TCTN2: variants seen among roughly 807,000 people sequenced by gnomAD.
TCTN2 encodes tectonic-2.
A neutral mutation model predicts 83.4 loss-of-function variants in TCTN2; 66 were observed. The observed-to-expected ratio is 0.79, with a 90% CI of 0.65 to 0.97. The LOEUF (loss-of-function observed/expected upper bound fraction) is 0.97, where lower values mean the gene tolerates loss of function less well. Among genes scored for constraint, TCTN2 ranks in the 50% least tolerant of loss-of-function variants. TCTN2 has a pLI of 0.00. For synonymous variants in TCTN2, 301 were observed against 326.7 expected, an observed-to-expected ratio of 0.92 and a Z score of 0.85; for missense variants, 794 against 858.1, an observed-to-expected ratio of 0.93 and a Z score of 0.93.
In TCTN2 at chr12:123,706,965, C is replaced by T. The variant is rs762116763; in HGVS notation, c.1896-20C>T. 6.2e-7 allele frequency: 1 copy of T among 1,613,206 alleles called. No homozygotes were observed. Among genetic ancestry groups the T allele is most frequent in the Non-Finnish European group, 8.5e-7 (1 of 1,179,260 alleles). ...TACTTCTCACTTGTAGTTTTTGTAA[C>T]CCTCTAAAATGTTTTCTAGATTCCA... On this transcript the variant is annotated intron_variant, in intron 16 of 17. Transcript: ENST00000303372.
intron 13 of TCTN2, 125 bp downstream of exon 13, chr12:123,697,323 T>G (rs1406919673): frequency 1.3e-6 from 1 of 758,570 alleles, no homozygotes; most frequent in Non-Finnish European, 2.4e-6. Context: ...GTAAAAGTGA[T>G]AATAAATACA....
In TCTN2 at chr12:123,673,717, C is replaced by T. The variant is rs1260463715; in HGVS notation, c.370C>T (p.Leu124=). ...GTCCCCCTGTATCCTCCAGACCCTT[C>T]TGGTTTCAGCATCTCATAATTCATC... The part of the protein sequence containing the change: ...SESPCILQTL[L]VSASHNSSCS... Residue 124 remains leucine (L), a synonymous_variant, in exon 4 of 18, where the codon CTG becomes TTG. Transcript: ENST00000303372. 6.2e-7 allele frequency: 1 copy of T among 1,614,242 alleles called. No homozygotes were observed. Among genetic ancestry groups the T allele is most frequent in the South Asian group, 1.1e-5 (1 of 91,090 alleles).
At chr12:123,684,972 C>T (rs928103834) in intron 5 of TCTN2, among the ~76,000 whole-genome samples, 3 of 151,466 alleles carry the variant, frequency 2.0e-5, no homozygotes, top group African/African-American at 7.3e-5. Context: ...ATCGCTTGAA[C>T]CCAAGAGGAA....
rs753020355 is a variant in TCTN2, at chr12:123,696,192, G to GT, written c.1313-222dup. 128 of 530,132 alleles carry GT rather than the reference G, an allele frequency of 2.4e-4. No homozygotes were observed. The Middle Eastern group carries it at 8.3e-3, about 34-fold the overall frequency. The allele number at this position is 530,132 out of a possible 1,614,324, so 32.8% of individuals were successfully genotyped here. On this transcript the variant is annotated intron_variant, in intron 11 of 17. Transcript: ENST00000303372. ...ACAATGTATTTTTTTTTTTTACATA[G>GT]TCTGTTGTACATAGTAACAAGTTGC...
intron 7 of TCTN2, among the ~76,000 whole-genome samples, chr12:123,688,458 T>A (rs11829958): frequency 6.6e-6 from 1 of 151,836 alleles, no homozygotes; most frequent in Non-Finnish European, 1.5e-5. Context: ...CCTGTGATCC[T>A]AGTGCCTCAG....
At position 123,673,668 on chromosome 12, in the gene TCTN2, C is replaced by T. The variant is rs1955783778; in HGVS notation, c.321C>T (p.Ser107=). 8 of 1,614,180 alleles carry T rather than the reference C, an allele frequency of 5.0e-6. No individual in the cohort carries two copies. Among genetic ancestry groups the T allele is most frequent in the South Asian group, 1.1e-5 (1 of 91,074 alleles). The change falls in exon 4 of 18, where the codon TCC becomes TCT. Residue 107 remains serine (S), a synonymous_variant. Transcript: ENST00000303372. Reference sequence around the variant, plus strand: ...AGAGAGGTCTGGACTGGTGTTCCTCCAATGAGACAGATTCCTTCTCAGAGT... The same window carrying T: ...AGAGAGGTCTGGACTGGTGTTCCTCTAATGAGACAGATTCCTTCTCAGAGT... The part of the protein sequence containing the change: ...RWKRGLDWCS[S]NETDSFSESP...
At chr12:123,681,247 ACT>A (rs1204297566) in intron 5 of TCTN2, among the ~76,000 whole-genome samples, 2 of 112,944 alleles carry the variant, frequency 1.8e-5, no homozygotes, top group African/African-American at 7.6e-5. Context: ...ACAGAGCAAG[ACT>A]CTCTTTCAAA....
intron 12 of TCTN2, 22 bp downstream of exon 12, chr12:123,696,517 G>GTAATCATATGTA: frequency 6.2e-7 from 1 of 1,603,912 alleles, no homozygotes; most frequent in Non-Finnish European, 8.5e-7. Context: ...TGGTCATTAT[G>GTAATCATATGTA]ATTAGCCCTT....
chr12:123,673,339 G>C (rs932134854), intron 3 of TCTN2, among the ~76,000 whole-genome samples: 6 of 152,134 alleles, frequency 3.9e-5, no homozygotes, highest in Non-Finnish European at 7.3e-5. Flanking sequence ...AACTAAAAAG[G>C]TGTACAATAA....
rs567950744 is a variant in TCTN2 at position 123,690,819 on chromosome 12, C to T, written c.1033+145C>T. On this transcript the variant is annotated intron_variant, in intron 8 of 17. Transcript: ENST00000303372. ...ATTTTCTTTGGAAAAAGTTTAGTTC[C>T]GTAAGACAGCATATTGCATATTAAT... 6.7e-5 allele frequency: 62 copies of T among 920,542 alleles called. No individual in the cohort carries two copies. In the Admixed American group the frequency reaches 1.1e-3, roughly 16 times the overall value. 57.0% of individuals were successfully genotyped at this position (920,542 alleles called of 1,614,324 possible). A position where few individuals can be genotyped will look rare whatever the true frequency, so the allele number is the denominator to read the frequency against.
rs372047920 is a variant in TCTN2 at position 123,707,763 on chromosome 12, C to T, written c.*50C>T. 41 of 1,459,306 alleles carry T rather than the reference C, an allele frequency of 2.8e-5. No homozygotes were observed. The highest frequency in any genetic ancestry group is 3.7e-5 in the Non-Finnish European group (39 of 1,040,938). 90.4% of individuals were successfully genotyped at this position (1,459,306 alleles called of 1,614,324 possible). The stretch of plus-strand genomic sequence containing the variant: ...TGAGATGGAGTTTTGCTCTTGTTGC[C>T]CAGGCTGAAGTGATCTCGGCTCACC... On this transcript the variant is annotated 3_prime_UTR_variant, in exon 18 of 18. Transcript: ENST00000303372.
chr12:123,697,484 CCT>C (rs542812278), intron 13 of TCTN2, among the ~76,000 whole-genome samples: 295 of 152,232 alleles, frequency 1.9e-3, no homozygotes, highest in South Asian at 3.7e-3. Context: ...CTCATTGGAA[CCT>C]TTTTTGTTGT....
In TCTN2 at chr12:123,696,059, G is replaced by T. The variant is rs150529809; in HGVS notation, c.1313-356G>T. 15 of 315,164 alleles carry T rather than the reference G, an allele frequency of 4.8e-5. No individual in the cohort carries two copies. The East Asian group carries it at 1.2e-3, about 26-fold the overall frequency. 19.5% of individuals were successfully genotyped at this position (315,164 alleles called of 1,614,324 possible). On this transcript the variant is annotated intron_variant, in intron 11 of 17. Coordinates refer to ENST00000303372, the MANE Select transcript of TCTN2 (RefSeq NM_024809.5). ...AGGTTTTGCCATATTGGCCATACTG[G>T]TCTCGAACTCCTGACCTCAGGTGAT...
At chr12:123,698,209 A>G (rs1031725279) in intron 13 of TCTN2, among the ~76,000 whole-genome samples, 4 of 151,186 alleles carry the variant, frequency 2.6e-5, no homozygotes, top group Admixed American at 1.3e-4. Flanking sequence ...CACCTGGCTA[A>G]TTTTGTATTT....
At chr12:123,678,566 G>A (rs982796714) in intron 4 of TCTN2, among the ~76,000 whole-genome samples, 6 of 152,064 alleles carry the variant, frequency 3.9e-5, no homozygotes, top group African/African-American at 1.4e-4. Flanking sequence ...GGGTTTACAG[G>A]TGTGAGCCAC....
intron 14 of TCTN2, among the ~76,000 whole-genome samples, chr12:123,702,772 G>A (rs907985884): frequency 6.6e-6 from 1 of 152,230 alleles, no homozygotes; most frequent in African/African-American, 2.4e-5. Context: ...CCAGGTTGAT[G>A]AGGTACGAAA....
intron 4 of TCTN2, 144 bp downstream of exon 4, chr12:123,673,954 C>T (rs935106866): frequency 2.0e-5 from 16 of 792,576 alleles, no homozygotes; most frequent in East Asian, 1.7e-4. Flanking sequence ...GCTGTGATCG[C>T]GCCACTGCGT....
chr12:123,676,887 G>A (rs541366779), intron 4 of TCTN2, among the ~76,000 whole-genome samples: 17 of 152,228 alleles, frequency 1.1e-4, no homozygotes, highest in South Asian at 8.3e-4. Context: ...GAAGTGTCTC[G>A]TGGCTGGGGG....
At chr12:123,676,956 T>A (rs1955830988) in intron 4 of TCTN2, among the ~76,000 whole-genome samples, 1 of 152,136 alleles carries the variant, frequency 6.6e-6, no homozygotes. Flanking sequence ...GATGGGAGGA[T>A]CACTCGAGCC....
Sources: gnomAD v4.1 joint callset for allele counts (sites outside exome capture counted in the v4.1 genomes callset) on GRCh38, gnomAD v4.1.1 for gene constraint, MANE v1.5 for transcripts, NCBI Gene and HGNC (gene_info 2026-07-23, HGNC 2026-07-21) for gene names.